The following ZNF804B variants were observed in gnomAD, a reference collection of about 807,000 sequenced individuals.
ZNF804B encodes the protein zinc finger 804B.
Under a neutral mutation model 101.4 loss-of-function variants are expected in ZNF804B, and 80 were observed. The ratio of observed to expected loss-of-function variants is 0.79; its 90% CI spans 0.66 to 0.95. The LOEUF (loss-of-function observed/expected upper bound fraction) is 0.95, where lower values mean the gene tolerates loss of function less well. ZNF804B is among the 40% of genes least tolerant of loss of function. The pLI is 0.00. For missense variants in ZNF804B, 1,673 were observed against 1,561.9 expected (o/e 1.07, Z -1.20); for synonymous variants, 622 against 558.8 (o/e 1.11, Z -1.59).
chr7:88,805,197 CTACTAAAACATTATTGTA>C lies in ZNF804B; in HGVS notation c.108+45115_108+45132del, dbSNP rs548743109. Among the ~76,000 whole-genome samples the C allele has an allele frequency of 3.4e-3, 517 of 152,050 alleles. 2 individuals carry two copies. Among genetic ancestry groups the C allele is most frequent in the African/African-American group, 0.012 (491 of 41,480 alleles). On this transcript the variant is annotated intron_variant, in intron 1 of 3. Transcript: ENST00000333190. ...CAGAAATTTTATAGTCAGGTATGCC[CTACTAAAACATTATTGTA>C]TTCCAAATATGCAATGAGGGTCTAG...
In ZNF804B at chr7:88,832,279, A is replaced by G. The variant is rs1332057844; in HGVS notation, c.108+72195A>G. On this transcript the variant is annotated intron_variant, in intron 1 of 3. Transcript: ENST00000333190. ...AGTTATTTCAGTCAGCACATTACTA[A>G]TAATTTGCTAACTTAGAATATCAAA... Among the ~76,000 whole-genome samples, 29 of 152,016 alleles carry G rather than the reference A, an allele frequency of 1.9e-4. No homozygotes were observed. The Admixed American group carries it at 1.9e-3, about 10-fold the overall frequency.
chr7:88,928,702 C>T (rs1349046747), intron 1 of ZNF804B, among the ~76,000 whole-genome samples: 1 of 152,088 alleles, frequency 6.6e-6, no homozygotes, highest in Non-Finnish European at 1.5e-5. Context: ...GGCATGATGC[C>T]TGGCATTATT....
chr7:88,801,217 G>A (rs1006251359), intron 1 of ZNF804B, among the ~76,000 whole-genome samples: 4 of 151,736 alleles, frequency 2.6e-5, no homozygotes, highest in African/African-American at 9.7e-5. Flanking sequence ...TGGAACCCTG[G>A]TGTGTAGTTT....
chr7:88,824,017 C>G (rs1189524411), intron 1 of ZNF804B, among the ~76,000 whole-genome samples: 1 of 152,156 alleles, frequency 6.6e-6, no homozygotes, highest in East Asian at 1.9e-4. Flanking sequence ...GCCTGCTACT[C>G]TATCCCTGAC....
chr7:89,209,507 A>G (rs554610963), intron 1 of ZNF804B, among the ~76,000 whole-genome samples: 19 of 152,370 alleles, frequency 1.2e-4, no homozygotes, highest in Non-Finnish European at 2.4e-4. Context: ...AGTTCTGATT[A>G]TGGATTTGTG....
intron 2 of ZNF804B, among the ~76,000 whole-genome samples, chr7:89,277,481 CCCCCT>C (rs1790004338): frequency 1.3e-4 from 2 of 15,864 alleles, no homozygotes; most frequent in African/African-American, 5.8e-4. Context: ...CTCCCCCCTC[CCCCCT>C]CCCCCCTCCC....
intron 1 of ZNF804B, among the ~76,000 whole-genome samples, chr7:88,855,615 C>T (rs538745603): frequency 3.9e-5 from 6 of 152,290 alleles, no homozygotes; most frequent in Admixed American, 2.6e-4. Flanking sequence ...TTAATTAGAT[C>T]GCATTTGTCA....
chr7:89,058,803 C>T (rs1469369058), intron 1 of ZNF804B, among the ~76,000 whole-genome samples: 1 of 152,166 alleles, frequency 6.6e-6, no homozygotes, highest in East Asian at 1.9e-4. Context: ...AGGTGATCCT[C>T]CCACCTCAGC....
intron 2 of ZNF804B, among the ~76,000 whole-genome samples, chr7:89,221,327 A>G (rs1789000893): frequency 6.6e-6 from 1 of 151,984 alleles, no homozygotes; most frequent in South Asian, 2.1e-4. Flanking sequence ...TTCAGGCTGA[A>G]TATTAAGAAA....
intron 1 of ZNF804B, among the ~76,000 whole-genome samples, chr7:88,870,668 G>A (rs1791808857): frequency 6.6e-6 from 1 of 152,074 alleles, no homozygotes; most frequent in African/African-American, 2.4e-5. Flanking sequence ...GGGCCTTATA[G>A]TACAGAAAAA....
chr7:88,889,446 T>C (rs774012534), intron 1 of ZNF804B, among the ~76,000 whole-genome samples: 3 of 152,218 alleles, frequency 2.0e-5, no homozygotes, highest in African/African-American at 4.8e-5. Flanking sequence ...TCAACGTCTG[T>C]TATTTTTTGA....
chr7:89,107,664 G>T (rs1369759058), intron 1 of ZNF804B, among the ~76,000 whole-genome samples: 1 of 152,060 alleles, frequency 6.6e-6, no homozygotes, highest in East Asian at 1.9e-4. Flanking sequence ...CAGTGTATGT[G>T]CATTCTTTTC....
chr7:88,963,122 A>G (rs1369091051), intron 1 of ZNF804B, among the ~76,000 whole-genome samples: 1 of 151,206 alleles, frequency 6.6e-6, no homozygotes, highest in Admixed American at 6.6e-5. Flanking sequence ...CTTTCAGTAT[A>G]ATTCCTACCA....
intron 2 of ZNF804B, among the ~76,000 whole-genome samples, chr7:89,254,545 T>G (rs1789595215): frequency 1.3e-5 from 2 of 151,658 alleles, no homozygotes; most frequent in South Asian, 4.1e-4. Flanking sequence ...AAAATACTCC[T>G]TCAAATAAAA....
chr7:88,772,738 A>G (rs1790087099), intron 1 of ZNF804B, among the ~76,000 whole-genome samples: 1 of 152,272 alleles, frequency 6.6e-6, no homozygotes, highest in Non-Finnish European at 1.5e-5. Context: ...CAAACTCAAA[A>G]TTTCTTACTC....
At chr7:88,965,757 A>G (rs1303577976) in intron 1 of ZNF804B, among the ~76,000 whole-genome samples, 2 of 151,506 alleles carry the variant, frequency 1.3e-5, no homozygotes, top group Non-Finnish European at 3.0e-5. Context: ...AGTATTTGCT[A>G]CTTGTAAAGA....
chr7:88,811,332 A>G (rs918030651), intron 1 of ZNF804B, among the ~76,000 whole-genome samples: 1 of 152,238 alleles, frequency 6.6e-6, no homozygotes, highest in Non-Finnish European at 1.5e-5. Flanking sequence ...CAGAATGACA[A>G]TTATTAAAAA....
Position 89,290,587 on chromosome 7 carries a change from C to T in ZNF804B, c.250-36757C>T, listed in dbSNP as rs186225277. Among the ~76,000 whole-genome samples the T allele has an allele frequency of 9.5e-4, 144 of 152,126 alleles. 1 individual carries two copies. Among genetic ancestry groups the T allele is most frequent in the Non-Finnish European group, 3.4e-4 (23 of 67,996 alleles). On this transcript the variant is annotated intron_variant, in intron 2 of 3. Transcript: ENST00000333190. ...TCATCAGTAGCCTGGCAGTACTCCCCGGGGGTCTGTAGTGGTGGTAGCCAT... is the reference window on the plus strand; with the variant it reads ...TCATCAGTAGCCTGGCAGTACTCCCTGGGGGTCTGTAGTGGTGGTAGCCAT...
intron 1 of ZNF804B, among the ~76,000 whole-genome samples, chr7:88,937,259 A>G (rs574978523): frequency 6.6e-6 from 1 of 152,210 alleles, no homozygotes; most frequent in East Asian, 1.9e-4. Flanking sequence ...GCATTCTGGC[A>G]TTAGATACCG....
Sources: gnomAD v4.1 joint callset for allele counts (sites outside exome capture counted in the v4.1 genomes callset) on GRCh38, gnomAD v4.1.1 for gene constraint, MANE v1.5 for transcripts, NCBI Gene and HGNC (gene_info 2026-07-23, HGNC 2026-07-21) for gene names.